The following CSMD3 variants were observed in gnomAD, a reference collection of about 807,000 sequenced individuals.
The protein encoded by CSMD3 is CUB and sushi domain-containing protein 3.
In CSMD3, 177 loss-of-function variants were observed where a neutral mutation model predicts 435.2. The ratio of observed to expected loss-of-function variants is 0.41; its 90% CI spans 0.36 to 0.46. The LOEUF (loss-of-function observed/expected upper bound fraction) is 0.46. Among genes scored for constraint, CSMD3 ranks in the 20% least tolerant of loss-of-function variants. CSMD3 has a pLI of 0.34. For missense variants in CSMD3, 4,265 were observed against 4,504.6 expected (o/e 0.95, Z 1.52); for synonymous variants, 1,656 against 1,520.5 (o/e 1.09, Z -2.07).
chr8:112,278,488 A>T (rs1818303893), intron 59 of CSMD3, among the ~76,000 whole-genome samples: 1 of 152,228 alleles, frequency 6.6e-6, no homozygotes, highest in Non-Finnish European at 1.5e-5. Flanking sequence ...CTTAGATTTA[A>T]TCATATGTCT....
chr8:112,525,749 T>TAC (rs1180640006), intron 27 of CSMD3, among the ~76,000 whole-genome samples: 1 of 131,272 alleles, frequency 7.6e-6, no homozygotes, highest in South Asian at 2.5e-4. Flanking sequence ...ACCATATATA[T>TAC]ACATATATAT....
At chr8:113,002,126 G>C (rs557062628) in intron 6 of CSMD3, among the ~76,000 whole-genome samples, 2 of 152,098 alleles carry the variant, frequency 1.3e-5, no homozygotes, top group Non-Finnish European at 2.9e-5. Flanking sequence ...GCTGACTTTT[G>C]GTTTTTAGCA....
At chr8:112,297,387 T>G (rs1269664460) in intron 53 of CSMD3, among the ~76,000 whole-genome samples, 2 of 151,928 alleles carry the variant, frequency 1.3e-5, no homozygotes, top group Non-Finnish European at 2.9e-5. Context: ...TGATAATACA[T>G]CATGATTATC....
chr8:112,474,728 T>C (rs960307907), intron 31 of CSMD3, among the ~76,000 whole-genome samples: 1 of 152,166 alleles, frequency 6.6e-6, no homozygotes, highest in Non-Finnish European at 1.5e-5. Flanking sequence ...AAATTTGTAA[T>C]TAATTATTGA....
intron 4 of CSMD3, among the ~76,000 whole-genome samples, chr8:113,113,476 C>T (rs1005730242): frequency 3.3e-5 from 5 of 152,062 alleles, no homozygotes; most frequent in African/African-American, 1.2e-4. Flanking sequence ...TGTCATGTAC[C>T]ATACTAAGCA....
At position 113,305,068 on chromosome 8, in the gene CSMD3, G is replaced by A. The variant is rs867912500; in HGVS notation, c.401+9503C>T. ...TCGCAAGAACAAAAAACCAGACACCGCATATTCTCACTCATAGGTGGGAAC... is the reference window on the plus strand; with the variant it reads ...TCGCAAGAACAAAAAACCAGACACCACATATTCTCACTCATAGGTGGGAAC... On this transcript the variant is annotated intron_variant, in intron 2 of 70. Coordinates refer to ENST00000297405, the MANE Select transcript of CSMD3 (RefSeq NM_198123.2). Among the ~76,000 whole-genome samples the A allele has an allele frequency of 2.9e-3, 430 of 148,642 alleles. 1 individual carries two copies. The highest frequency in any genetic ancestry group is 9.7e-3 in the African/African-American group (393 of 40,308).
chr8:113,376,703 T>A, intron 1 of CSMD3: 2 of 1,613,238 alleles, frequency 1.2e-6, no homozygotes, highest in Non-Finnish European at 1.7e-6. Flanking sequence ...GACCGAAAGG[T>A]TCGGCGCAAG....
chr8:112,724,650 A>G (rs1048647892), intron 13 of CSMD3, among the ~76,000 whole-genome samples: 1 of 152,086 alleles, frequency 6.6e-6, no homozygotes, highest in African/African-American at 2.4e-5. Flanking sequence ...GATTGTCTAG[A>G]GGTCCAGCAG....
rs71309771 is a variant in CSMD3, at chr8:112,469,160, CA to C, written c.5395+3430del. 9.1e-3 allele frequency among the ~76,000 whole-genome samples: 832 copies of C among 91,584 alleles called. 2 individuals carry two copies. The highest frequency in any genetic ancestry group is 0.029 in the African/African-American group (665 of 23,276). 60.1% of individuals were successfully genotyped at this position (91,584 alleles called of 152,430 possible). ...TACAGGCATTTAATTCTACACCAGG[CA>C]AAAAAAAAAAAAAAAAAAAAAGTAA... On this transcript the variant is annotated intron_variant, in intron 32 of 70. Coordinates refer to ENST00000297405, the MANE Select transcript of CSMD3 (RefSeq NM_198123.2).
At chr8:113,061,259 T>C (rs1183398289) in intron 5 of CSMD3, among the ~76,000 whole-genome samples, 1 of 152,154 alleles carries the variant, frequency 6.6e-6, no homozygotes, top group Admixed American at 6.6e-5. Flanking sequence ...CTGAAAATTG[T>C]AGCTACACAT....
At chr8:112,362,455 A>G (rs1415697205) in intron 38 of CSMD3, among the ~76,000 whole-genome samples, 1 of 152,022 alleles carries the variant, frequency 6.6e-6, no homozygotes, top group Admixed American at 6.6e-5. Flanking sequence ...ACTCAGTAAT[A>G]CACACTACTT....
chr8:113,387,855 A>G (rs535079326), intron 1 of CSMD3, among the ~76,000 whole-genome samples: 242 of 151,862 alleles, frequency 1.6e-3, no homozygotes, highest in African/African-American at 5.6e-3. Context: ...TAAATGTATT[A>G]CTGTCATTTT....
intron 6 of CSMD3, among the ~76,000 whole-genome samples, chr8:113,003,950 T>G (rs535655190): frequency 2.0e-5 from 3 of 152,144 alleles, no homozygotes; most frequent in Admixed American, 6.6e-5. Flanking sequence ...CTAACATATA[T>G]TGAAACAATT....
chr8:113,328,807 A>C (rs756967736), intron 1 of CSMD3, among the ~76,000 whole-genome samples: 11 of 131,458 alleles, frequency 8.4e-5, no homozygotes, highest in Admixed American at 2.7e-4. Flanking sequence ...TGGCGTGATA[A>C]CGACTCATGG....
At chr8:112,241,059 C>A (rs1340375147) in intron 66 of CSMD3, among the ~76,000 whole-genome samples, 1 of 152,014 alleles carries the variant, frequency 6.6e-6, no homozygotes, top group African/African-American at 2.4e-5. Context: ...TAATACAAAG[C>A]AATTCATATA....
intron 17 of CSMD3, among the ~76,000 whole-genome samples, chr8:112,661,072 A>G (rs1349793079): frequency 1.3e-5 from 2 of 152,200 alleles, no homozygotes; most frequent in African/African-American, 4.8e-5. Context: ...TAAATCCTAC[A>G]TTGAAAATCA....
chr8:112,927,533 ATC>A (rs1224543524), intron 9 of CSMD3, among the ~76,000 whole-genome samples: 1 of 152,084 alleles, frequency 6.6e-6, no homozygotes, highest in Non-Finnish European at 1.5e-5. Context: ...GATGGTATTA[ATC>A]TGTTTATTTG....
At chr8:112,433,654 C>CAAACAAAAAAA (rs1813975222) in intron 32 of CSMD3, among the ~76,000 whole-genome samples, 1 of 93,212 alleles carries the variant, frequency 1.1e-5, no homozygotes, top group Non-Finnish European at 2.1e-5. Context: ...GAGAACCTGT[C>CAAACAAAAAAA]AAAAAAAAAA....
At chr8:113,068,336 A>C (rs575515083) in intron 5 of CSMD3, among the ~76,000 whole-genome samples, 2 of 152,230 alleles carry the variant, frequency 1.3e-5, no homozygotes, top group East Asian at 3.9e-4. Flanking sequence ...ATGTAACCTT[A>C]TATTCCAATG....
Sources: gnomAD v4.1 joint callset for allele counts (sites outside exome capture counted in the v4.1 genomes callset) on GRCh38, gnomAD v4.1.1 for gene constraint, MANE v1.5 for transcripts, NCBI Gene and HGNC (gene_info 2026-07-23, HGNC 2026-07-21) for gene names.